HDGFL2: variants seen among roughly 807,000 people sequenced by gnomAD.
HDGFL2 encodes the protein HDGF like 2.
In HDGFL2, 36 loss-of-function variants were observed where a neutral mutation model predicts 77.1. That is an observed-to-expected ratio of 0.47 (90% CI 0.36 to 0.62). The LOEUF (loss-of-function observed/expected upper bound fraction) is 0.62, where lower values mean the gene tolerates loss of function less well. HDGFL2 is among the 20% of genes least tolerant of loss of function. HDGFL2 has a pLI of 0.00. For synonymous variants in HDGFL2, 463 were observed against 413.1 expected, an observed-to-expected ratio of 1.12 and a Z score of -1.46; for missense variants, 976 against 973.4, an observed-to-expected ratio of 1.00 and a Z score of -0.04.
At position 4,472,315 on chromosome 19, in the gene HDGFL2, A is replaced by C. The variant is rs189680983; in HGVS notation, c.-36A>C. 6,567 of 1,457,158 alleles carry C rather than the reference A, an allele frequency of 4.5e-3. 268 individuals carry two copies. In the African/African-American group the frequency reaches 0.086, roughly 19 times the overall value. 90.3% of individuals were successfully genotyped at this position (1,457,158 alleles called of 1,614,324 possible). On this transcript the variant is annotated 5_prime_UTR_variant, in exon 1 of 16. Coordinates refer to ENST00000616600, the MANE Select transcript of HDGFL2 (RefSeq NM_001001520.3). ...CCGCCGCAGCCGCTACCGCCGCTGC[A>C]GCCGCTTTCCGCGGCCTGGGCCTCT...
intron 1 of HDGFL2, 33 bp downstream of exon 1, chr19:4,472,455 G>A (rs777716647): frequency 2.1e-6 from 1 of 482,486 alleles, no homozygotes; most frequent in Non-Finnish European, 3.5e-6. Flanking sequence ...GCCGGTGGGG[G>A]GGGGGGGGGG....
At chr19:4,501,084 C>T (rs1017709322) in intron 14 of HDGFL2, 107 bp from the exon 15 acceptor site, 8 of 1,406,342 alleles carry the variant, frequency 5.7e-6, no homozygotes, top group Non-Finnish European at 6.8e-6. Context: ...GGGCATGTGT[C>T]ACCCACGGCG....
intron 1 of HDGFL2, chr19:4,475,026 C>G: frequency 2.0e-6 from 1 of 510,222 alleles, no homozygotes; most frequent in East Asian, 3.5e-5. Context: ...TCTGGCTTTG[C>G]TCAGGTGGAG....
chr19:4,489,484 A>G (rs914123303), intron 4 of HDGFL2, among the ~76,000 whole-genome samples: 4 of 151,670 alleles, frequency 2.6e-5, no homozygotes, highest in Non-Finnish European at 5.9e-5. Flanking sequence ...GCTCACTGCA[A>G]TCTCCACCTC....
chr19:4,478,502 A>C (rs1975130503), intron 3 of HDGFL2, among the ~76,000 whole-genome samples: 1 of 151,742 alleles, frequency 6.6e-6, no homozygotes, highest in South Asian at 2.1e-4. Context: ...CACCCAGCCC[A>C]GGCTCATTCT....
chr19:4,488,434 C>T (rs941242050), intron 3 of HDGFL2, among the ~76,000 whole-genome samples: 7 of 152,196 alleles, frequency 4.6e-5, no homozygotes, highest in African/African-American at 7.2e-5. Flanking sequence ...GTCATTTGCC[C>T]CAGGTTTAAC....
intron 1 of HDGFL2, among the ~76,000 whole-genome samples, chr19:4,474,350 G>C (rs540372392): frequency 6.6e-6 from 1 of 152,178 alleles, no homozygotes; most frequent in Non-Finnish European, 1.5e-5. Flanking sequence ...GAGGCATGCC[G>C]GGCTGGTCCT....
chr19:4,482,120 C>T (rs1975236484), intron 3 of HDGFL2, among the ~76,000 whole-genome samples: 2 of 149,104 alleles, frequency 1.3e-5, no homozygotes, highest in South Asian at 4.3e-4. Flanking sequence ...GCAAGCTCCA[C>T]CTCCCAGGTT....
In HDGFL2 at chr19:4,500,337, A is replaced by G. The variant is rs571092548; in HGVS notation, c.1789+633A>G. On this transcript the variant is annotated intron_variant, in intron 14 of 15. Coordinates refer to ENST00000616600, the MANE Select transcript of HDGFL2 (RefSeq NM_001001520.3). The stretch of plus-strand genomic sequence containing the variant: ...GGTCTCGCTCTGTCCCCCAGGCTGG[A>G]GTGCAGTGGTACAATCACAGCTCAC... 2.0e-3 allele frequency among the ~76,000 whole-genome samples: 301 copies of G among 151,270 alleles called. 3 individuals carry two copies. The highest frequency in any genetic ancestry group is 7.0e-3 in the African/African-American group (287 of 41,108).
At chr19:4,477,498 G>A (rs1166693260) in intron 3 of HDGFL2, among the ~76,000 whole-genome samples, 2 of 152,164 alleles carry the variant, frequency 1.3e-5, no homozygotes. Flanking sequence ...TGGAAGGATA[G>A]GTCAGAAATC....
intron 2 of HDGFL2, 37 bp from the exon 3 acceptor site, chr19:4,475,408 C>T: frequency 1.2e-6 from 2 of 1,613,980 alleles, no homozygotes; most frequent in Non-Finnish European, 1.7e-6. Context: ...GGGGTGGCCT[C>T]ACTCACCTGG....
In HDGFL2 at chr19:4,472,344, C is replaced by G. The variant is rs746112109; in HGVS notation, c.-7C>G. 8 of 1,518,354 alleles carry G rather than the reference C, an allele frequency of 5.3e-6. No individual in the cohort carries two copies. The highest frequency in any genetic ancestry group is 6.2e-6 in the Non-Finnish European group (7 of 1,134,942). 94.1% of individuals were successfully genotyped at this position (1,518,354 alleles called of 1,614,324 possible). Reference sequence around the variant, plus strand: ...GCTTTCCGCGGCCTGGGCCTCTCGCCGTCAGCATGCCACACGCCTTCAAGC... The same window carrying G: ...GCTTTCCGCGGCCTGGGCCTCTCGCGGTCAGCATGCCACACGCCTTCAAGC... On this transcript the variant is annotated 5_prime_UTR_variant, in exon 1 of 16. Coordinates refer to ENST00000616600, the MANE Select transcript of HDGFL2 (RefSeq NM_001001520.3).
chr19:4,499,488 C>T lies in HDGFL2; in HGVS notation c.1576-3C>T, dbSNP rs1975797458. On this transcript the variant is annotated splice_polypyrimidine_tract_variant and splice_region_variant and intron_variant, in intron 13 of 15. Coordinates refer to ENST00000616600, the MANE Select transcript of HDGFL2 (RefSeq NM_001001520.3). ...GAGCCAGGCCTCTTCTCTTGGTGGCCAGATTCGCCGTTACAAAGCGAACAA... is the reference window on the plus strand; with the variant it reads ...GAGCCAGGCCTCTTCTCTTGGTGGCTAGATTCGCCGTTACAAAGCGAACAA... The T allele has an allele frequency of 6.2e-7, 1 of 1,611,938 alleles. No individual in the cohort carries two copies. Among genetic ancestry groups the T allele is most frequent in the Non-Finnish European group, 8.5e-7 (1 of 1,178,962 alleles).
intron 1 of HDGFL2, 38 bp downstream of exon 1, chr19:4,472,460 G>GC (rs925884190): frequency 1.4e-5 from 6 of 428,650 alleles, no homozygotes; most frequent in African/African-American, 5.0e-5. Context: ...TGGGGGGGGG[G>GC]GGGGGGGCAG....
intron 6 of HDGFL2, among the ~76,000 whole-genome samples, chr19:4,492,514 CTG>C (rs1441535356): frequency 6.6e-6 from 1 of 151,372 alleles, no homozygotes; most frequent in Non-Finnish European, 1.5e-5. Context: ...ATCTATGTGT[CTG>C]TGTTTGTGTG....
intron 14 of HDGFL2, among the ~76,000 whole-genome samples, chr19:4,500,983 G>T (rs1300830152): frequency 6.6e-6 from 1 of 152,218 alleles, no homozygotes; most frequent in Non-Finnish European, 1.5e-5. Context: ...CCCCAGTTCT[G>T]CAGGCCAGTG....
chr19:4,497,254 G>A (rs931065746), intron 10 of HDGFL2: 2 of 415,292 alleles, frequency 4.8e-6, no homozygotes, highest in Non-Finnish European at 9.4e-6. Flanking sequence ...CTGGAGTGCA[G>A]TGGCGCCATC....
chr19:4,500,701 T>G (rs1975845812), intron 14 of HDGFL2, among the ~76,000 whole-genome samples: 1 of 152,098 alleles, frequency 6.6e-6, no homozygotes, highest in East Asian at 1.9e-4. Context: ...GACCTCATGA[T>G]CCGCCCTCCT....
chr19:4,486,099 C>T (rs1975356203), intron 3 of HDGFL2, among the ~76,000 whole-genome samples: 1 of 151,066 alleles, frequency 6.6e-6, no homozygotes, highest in Non-Finnish European at 1.5e-5. Flanking sequence ...CAATCTCTCT[C>T]TGTCTTCTTA....
Sources: allele counts gnomAD v4.1 joint callset (sites outside exome capture counted in the v4.1 genomes callset), GRCh38; gene constraint gnomAD v4.1.1; transcripts MANE v1.5; gene names NCBI Gene and HGNC (gene_info 2026-07-23, HGNC 2026-07-21).